The following ZNF609 variants were observed in gnomAD, a reference collection of about 807,000 sequenced individuals.
ZNF609 encodes the protein zinc finger protein 609.
A neutral mutation model predicts 109.5 loss-of-function variants in ZNF609; 11 were observed. The ratio of observed to expected loss-of-function variants is 0.10; its 90% CI spans 0.06 to 0.17. The LOEUF is 0.17. Ranked by LOEUF, ZNF609 falls within the 10% of genes least tolerant of loss-of-function variation. The pLI is 1.00. For missense variants in ZNF609, 1,559 were observed against 1,772.4 expected (o/e 0.88, Z 2.16); for synonymous variants, 646 against 662.0 (o/e 0.98, Z 0.37).
At chr15:64,621,767 CTTT>C (rs11327193) in intron 2 of ZNF609, among the ~76,000 whole-genome samples, 2,205 of 138,404 alleles carry the variant, frequency 0.016, 29 homozygotes, top group Non-Finnish European at 0.023. Context: ...TTGCTTCTTT[CTTT>C]TTTTTTTTTT....
intron 2 of ZNF609, among the ~76,000 whole-genome samples, chr15:64,579,726 T>C (rs1055356014): frequency 9.2e-5 from 14 of 151,568 alleles, no homozygotes; most frequent in Admixed American, 3.3e-4. Flanking sequence ...AAAAAACTTG[T>C]GTTTTTGTAT....
At chr15:64,499,160 T>C in intron 1 of ZNF609, 133 bp from the exon 2 acceptor site, 4 of 403,632 alleles carry the variant, frequency 9.9e-6, no homozygotes, top group Non-Finnish European at 1.8e-5. Flanking sequence ...AGAAATACAA[T>C]TGAACCTGTT....
intron 2 of ZNF609, among the ~76,000 whole-genome samples, chr15:64,548,865 G>A (rs978137655): frequency 2.0e-5 from 3 of 152,134 alleles, no homozygotes; most frequent in African/African-American, 7.2e-5. Flanking sequence ...TACTTGAGAT[G>A]AAATATTCAA....
chr15:64,659,823 T>TTTTC (rs1250357072), intron 3 of ZNF609, among the ~76,000 whole-genome samples: 3 of 150,848 alleles, frequency 2.0e-5, no homozygotes, highest in African/African-American at 7.4e-5. Flanking sequence ...CGCAAAATAT[T>TTTTC]TTTCTTTCTT....
chr15:64,562,701 G>T (rs182145442), intron 2 of ZNF609, among the ~76,000 whole-genome samples: 1 of 149,954 alleles, frequency 6.7e-6, no homozygotes, highest in South Asian at 2.1e-4. Context: ...CATGATTGTC[G>T]TAATTAAACT....
chr15:64,565,169 C>T (rs1216791483), intron 2 of ZNF609, among the ~76,000 whole-genome samples: 1 of 149,994 alleles, frequency 6.7e-6, no homozygotes, highest in Non-Finnish European at 1.5e-5. Context: ...AAGCAATTCT[C>T]CTGCCTCAGC....
chr15:64,524,566 A>G (rs1392551038), intron 2 of ZNF609, among the ~76,000 whole-genome samples: 61 of 136,178 alleles, frequency 4.5e-4, no homozygotes, highest in African/African-American at 1.5e-3. Context: ...TCCATCTCAA[A>G]AAAAAAAAAA....
At chr15:64,625,932 T>TAGAG (rs1199923891) in intron 3 of ZNF609, among the ~76,000 whole-genome samples, 51 of 74,594 alleles carry the variant, frequency 6.8e-4, no homozygotes, top group African/African-American at 2.5e-3. Context: ...TATATATATA[T>TAGAG]ATATAGAGAG....
At chr15:64,628,848 C>T (rs555125793) in intron 3 of ZNF609, among the ~76,000 whole-genome samples, 4 of 152,216 alleles carry the variant, frequency 2.6e-5, no homozygotes, top group Admixed American at 6.5e-5. Flanking sequence ...TGGTCTCGAA[C>T]TCCTGACCTC....
chr15:64,633,301 C>A (rs1896115004), intron 3 of ZNF609, among the ~76,000 whole-genome samples: 1 of 152,108 alleles, frequency 6.6e-6, no homozygotes. Flanking sequence ...GCATGTGCCA[C>A]CCCATCTGGC....
rs397817266 is a variant in ZNF609, at chr15:64,638,016, A to ATAT, written c.973+14964_973+14965insTAT. On this transcript the variant is annotated intron_variant, in intron 3 of 9. Coordinates refer to ENST00000326648, the MANE Select transcript of ZNF609 (RefSeq NM_015042.2). ...GTTTTATATATATATATATATATAT[A>ATAT]AAATATATATAAAAATACATATATA... Among the ~76,000 whole-genome samples, 8 of 136,692 alleles carry ATAT rather than the reference A, an allele frequency of 5.9e-5. No homozygotes were observed. The East Asian group carries it at 1.4e-3, about 24-fold the overall frequency. The allele number at this position is 136,692 out of a possible 152,430, so 89.7% of individuals were successfully genotyped here.
chr15:64,645,028 C>CCTTT (rs1228536268), intron 3 of ZNF609, among the ~76,000 whole-genome samples: 1,581 of 139,848 alleles, frequency 0.011, 28 homozygotes, highest in African/African-American at 0.042. Flanking sequence ...TTCCTTCCTT[C>CCTTT]CTTTCTTCCT....
intron 2 of ZNF609, among the ~76,000 whole-genome samples, chr15:64,580,024 T>C (rs554256442): frequency 1.3e-5 from 2 of 152,234 alleles, no homozygotes; most frequent in African/African-American, 4.8e-5. Context: ...AATTAAGGAT[T>C]TTGAGGTGGG....
At chr15:64,666,388 T>C (rs1896649283) in intron 3 of ZNF609, among the ~76,000 whole-genome samples, 1 of 152,140 alleles carries the variant, frequency 6.6e-6, no homozygotes, top group Non-Finnish European at 1.5e-5. Context: ...AGCGAGACTC[T>C]GTCCAAAATA....
intron 2 of ZNF609, among the ~76,000 whole-genome samples, chr15:64,573,177 T>C (rs937097625): frequency 4.6e-5 from 7 of 150,708 alleles, no homozygotes; most frequent in Non-Finnish European, 7.4e-5. Context: ...GATGAGAAAG[T>C]AAGCAGAAAC....
intron 3 of ZNF609, among the ~76,000 whole-genome samples, chr15:64,633,890 A>G (rs549176466): frequency 6.6e-6 from 1 of 152,172 alleles, no homozygotes; most frequent in African/African-American, 2.4e-5. Context: ...CAGGAAAAAA[A>G]AAATTATTAA....
chr15:64,634,945 C>G (rs1230713068), intron 3 of ZNF609, among the ~76,000 whole-genome samples: 1 of 152,096 alleles, frequency 6.6e-6, no homozygotes, highest in East Asian at 1.9e-4. Flanking sequence ...CCAGAGGATA[C>G]TTTAGGGCAG....
chr15:64,502,214 C>G (rs2140352312), intron 2 of ZNF609: 1 of 152,342 alleles, frequency 6.6e-6, no homozygotes, highest in Admixed American at 6.5e-5. Context: ...AACCTGCTTT[C>G]TCAATTCCTT....
At chr15:64,468,692 A>G (rs534001062) in intron 1 of ZNF609, among the ~76,000 whole-genome samples, 143 of 152,296 alleles carry the variant, frequency 9.4e-4, no homozygotes, top group African/African-American at 3.2e-3. Context: ...CTGGGACTAC[A>G]GACATGAGCC....
Sources: allele counts gnomAD v4.1 joint callset (sites outside exome capture counted in the v4.1 genomes callset), GRCh38; gene constraint gnomAD v4.1.1; transcripts MANE v1.5; gene names NCBI Gene and HGNC (gene_info 2026-07-23, HGNC 2026-07-21).